IL1RAPL1: variants seen among roughly 807,000 people sequenced by gnomAD.
The protein encoded by IL1RAPL1 is interleukin-1 receptor accessory protein-like 1.
A neutral mutation model predicts 48.4 loss-of-function variants in IL1RAPL1; 3 were observed. The ratio of observed to expected loss-of-function variants is 0.06; its 90% CI spans 0.03 to 0.16. IL1RAPL1 has a LOEUF of 0.16. IL1RAPL1 is among the 10% of genes least tolerant of loss of function. IL1RAPL1 has a pLI of 1.00. For missense variants in IL1RAPL1, 349 were observed against 530.6 expected (o/e 0.66, Z 3.36); for synonymous variants, 185 against 187.7 (o/e 0.99, Z 0.12).
intron 5 of IL1RAPL1, among the ~76,000 whole-genome samples, chrX:29,644,843 A>G: frequency 8.9e-6 from 1 of 112,736 alleles, no homozygotes; most frequent in Non-Finnish European, 1.9e-5. Context: ...CAGTGATTAC[A>G]GGCAAGAGCC....
intron 1 of IL1RAPL1, among the ~76,000 whole-genome samples, chrX:28,665,786 C>G (rs1450985435): frequency 8.9e-6 from 1 of 111,938 alleles, no homozygotes; most frequent in Non-Finnish European, 1.9e-5. Context: ...CCACCATGCC[C>G]GGCTATAAGT....
At position 29,230,504 on chromosome X, in the gene IL1RAPL1, C is replaced by CAAAAAAAAAAAAAAAAAAAAAA. The variant is rs60539139; in HGVS notation, c.83-52424_83-52403dup. On this transcript the variant is annotated intron_variant, in intron 2 of 10. Coordinates refer to ENST00000378993, the MANE Select transcript of IL1RAPL1 (RefSeq NM_014271.4). Reference sequence around the variant, plus strand: ...TGCTCTATCATTATGGTCCCTTTACCAAAAAAAAAAAAAAAAAAAAAAAAA... The same window carrying CAAAAAAAAAAAAAAAAAAAAAA: ...TGCTCTATCATTATGGTCCCTTTACCAAAAAAAAAAAAAAAAAAAAAAAAAAAAAAAAAAAAAAAAAAAAAAA... 4.8e-4 allele frequency among the ~76,000 whole-genome samples: 8 copies of CAAAAAAAAAAAAAAAAAAAAAA among 16,595 alleles called. 2 individuals are homozygous for CAAAAAAAAAAAAAAAAAAAAAA. Among genetic ancestry groups the CAAAAAAAAAAAAAAAAAAAAAA allele is most frequent in the African/African-American group, 2.0e-3 (7 of 3,488 alleles). The allele number at this position is 16,595 out of a possible 115,157, so 14.4% of individuals were successfully genotyped here.
chrX:29,413,367 ATTATAC>A (rs1196474217), intron 5 of IL1RAPL1, among the ~76,000 whole-genome samples: 1 of 111,219 alleles, frequency 9.0e-6, no homozygotes, highest in African/African-American at 3.3e-5. Flanking sequence ...TTTTTTTATT[ATTATAC>A]TTTAAGTTTT....
At chrX:29,073,454 A>G (rs1164126494) in intron 2 of IL1RAPL1, among the ~76,000 whole-genome samples, 2 of 111,748 alleles carry the variant, frequency 1.8e-5, no homozygotes, top group Non-Finnish European at 3.8e-5. Flanking sequence ...TCATTAAGAC[A>G]TTTAGAATTT....
chrX:29,621,932 C>T (rs1320507567), intron 5 of IL1RAPL1, among the ~76,000 whole-genome samples: 2 of 111,736 alleles, frequency 1.8e-5, no homozygotes, highest in Non-Finnish European at 3.8e-5. Context: ...CTTCTCCTTC[C>T]TACGCTGTGG....
chrX:29,807,335 C>CT (rs1930277041), intron 6 of IL1RAPL1, among the ~76,000 whole-genome samples: 1 of 110,217 alleles, frequency 9.1e-6, no homozygotes, highest in Non-Finnish European at 1.9e-5. Context: ...AAGGGAAACA[C>CT]TGGGCATGGT....
At chrX:29,218,763 C>T (rs185937991) in intron 2 of IL1RAPL1, among the ~76,000 whole-genome samples, 1 of 112,128 alleles carries the variant, frequency 8.9e-6, no homozygotes, top group Non-Finnish European at 1.9e-5. Flanking sequence ...TTAAGGAATG[C>T]TGTGATTTAG....
At chrX:29,267,100 A>C (rs886220231) in intron 2 of IL1RAPL1, among the ~76,000 whole-genome samples, 1 of 111,792 alleles carries the variant, frequency 8.9e-6, no homozygotes, top group African/African-American at 3.3e-5. Flanking sequence ...TCTATGTTCT[A>C]TCCAAACCAC....
At position 29,223,148 on chromosome X, in the gene IL1RAPL1, T is replaced by TA. The variant is rs200454645; in HGVS notation, c.83-59781dup. ...AAAGTTGATAAGTATCCTGAAGTTTTAAAAAAAAATGGTACATTCTCTTTG... is the reference window on the plus strand; with the variant it reads ...AAAGTTGATAAGTATCCTGAAGTTTTAAAAAAAAAATGGTACATTCTCTTTG... On this transcript the variant is annotated intron_variant, in intron 2 of 10. Transcript: ENST00000378993. Among the ~76,000 whole-genome samples the TA allele has an allele frequency of 4.5e-3, 499 of 110,283 alleles. 1 individual carries two copies. The highest frequency in any genetic ancestry group is 0.013 in the African/African-American group (383 of 30,419).
At chrX:29,048,247 A>G (rs1329422079) in intron 2 of IL1RAPL1, among the ~76,000 whole-genome samples, 2 of 112,323 alleles carry the variant, frequency 1.8e-5, no homozygotes, top group African/African-American at 3.2e-5. Context: ...ACCATCCAAG[A>G]TAAGTTTTTG....
At chrX:29,045,565 G>A (rs12832481) in intron 2 of IL1RAPL1, among the ~76,000 whole-genome samples, 31,094 of 110,336 alleles carry the variant, frequency 0.28, 3,302 homozygotes, top group South Asian at 0.43. Context: ...TCCTAGGCTC[G>A]AGGGATCCTC....
chrX:29,002,263 TATAATC>T (rs1180974037), intron 2 of IL1RAPL1, among the ~76,000 whole-genome samples: 9 of 111,168 alleles, frequency 8.1e-5, no homozygotes, highest in African/African-American at 2.9e-4. Flanking sequence ...GGATGAAGCT[TATAATC>T]ATAATCAAAA....
chrX:29,666,747 G>A (rs1304974424), intron 5 of IL1RAPL1, among the ~76,000 whole-genome samples: 1 of 110,280 alleles, frequency 9.1e-6, no homozygotes, highest in African/African-American at 3.3e-5. Flanking sequence ...GTTTGAACAG[G>A]GAACAGTTCT....
chrX:29,494,053 C>T (rs1935187716), intron 5 of IL1RAPL1, among the ~76,000 whole-genome samples: 1 of 110,278 alleles, frequency 9.1e-6, no homozygotes, highest in Non-Finnish European at 1.9e-5. Context: ...CACCATCAGG[C>T]CCGGCTACTT....
chrX:29,846,097 T>G (rs2147195990), intron 6 of IL1RAPL1, among the ~76,000 whole-genome samples: 1 of 111,342 alleles, frequency 9.0e-6, no homozygotes, highest in Admixed American at 9.5e-5. Flanking sequence ...ATCAACTACT[T>G]ATTTCTTTTT....
intron 5 of IL1RAPL1, among the ~76,000 whole-genome samples, chrX:29,512,989 G>A (rs949337319): frequency 3.6e-5 from 4 of 111,742 alleles, no homozygotes; most frequent in South Asian, 3.7e-4. Context: ...ATAAATAATG[G>A]TTTTAAATCA....
At chrX:29,530,972 A>G (rs1435529510) in intron 5 of IL1RAPL1, among the ~76,000 whole-genome samples, 1 of 112,220 alleles carries the variant, frequency 8.9e-6, no homozygotes, top group East Asian at 2.8e-4. Context: ...TTACTTTAGA[A>G]TTAAAGACAT....
chrX:29,001,221 A>G (rs1925845065), intron 2 of IL1RAPL1, among the ~76,000 whole-genome samples: 1 of 112,253 alleles, frequency 8.9e-6, no homozygotes, highest in South Asian at 3.6e-4. Context: ...TATTTTTTTG[A>G]AAAATCTTAC....
At chrX:29,748,220 T>C (rs747676933) in intron 6 of IL1RAPL1, among the ~76,000 whole-genome samples, 1 of 112,031 alleles carries the variant, frequency 8.9e-6, no homozygotes, top group South Asian at 3.7e-4. Flanking sequence ...AAAGACATCA[T>C]TGATGGCAAC....
Sources: allele counts gnomAD v4.1 joint callset (sites outside exome capture counted in the v4.1 genomes callset), GRCh38; gene constraint gnomAD v4.1.1; transcripts MANE v1.5; gene names NCBI Gene and HGNC (gene_info 2026-07-23, HGNC 2026-07-21).